The following ANKRD27 variants were observed in gnomAD, a reference collection of about 807,000 sequenced individuals.
ANKRD27 encodes ankyrin repeat domain 27.
ANKRD27 carries 112 observed loss-of-function variants against 129.7 expected under a neutral mutation model. The ratio of observed to expected loss-of-function variants is 0.86; its 90% confidence interval spans 0.74 to 1.01. The LOEUF (loss-of-function observed/expected upper bound fraction) is 1.01, where lower values mean the gene tolerates loss of function less well. ANKRD27 is among the 50% of genes least tolerant of loss of function. The pLI is 0.00. For missense variants in ANKRD27, 1,258 were observed against 1,300.5 expected (o/e 0.97, Z 0.50); for synonymous variants, 516 against 511.2 (o/e 1.01, Z -0.13).
intron 22 of ANKRD27, among the ~76,000 whole-genome samples, chr19:32,609,614 G>T (rs8100356): frequency 0.054 from 7,893 of 146,086 alleles, 711 homozygotes; most frequent in African/African-American, 0.19. Context: ...AATCCATGAT[G>T]ATGAAAAGCA....
At chr19:32,619,428 G>C in intron 19 of ANKRD27, 49 bp from the exon 20 acceptor site, 1 of 1,613,890 alleles carries the variant, frequency 6.2e-7, no homozygotes, top group Non-Finnish European at 8.5e-7. Context: ...ACAAGGACAC[G>C]TGAGGACCAG....
At chr19:32,654,180 G>A (rs1268509990) in intron 2 of ANKRD27, among the ~76,000 whole-genome samples, 1 of 152,064 alleles carries the variant, frequency 6.6e-6, no homozygotes, top group African/African-American at 2.4e-5. Context: ...GATTACAGGC[G>A]TGAGCCACCA....
rs1312404686 is a variant in ANKRD27 at position 32,644,388 on chromosome 19, C to A, written c.462G>T (p.Arg154Ser). The A allele has an allele frequency of 3.1e-6, 5 of 1,614,084 alleles. No homozygotes were observed. The South Asian group carries it at 5.5e-5, about 18-fold the overall frequency. ...FLGRHSERFD[R>S]NIASFHRTFR... Reference sequence around the variant, plus strand: ...ATGTTCGATGGAAAGAGGCGATGTTCCTGTCAAATCGCTCGGAGTGTCTTC... The same window carrying A: ...ATGTTCGATGGAAAGAGGCGATGTTACTGTCAAATCGCTCGGAGTGTCTTC... Residue 154 changes from arginine to serine, a missense_variant, in exon 5 of 29, where the codon AGG (arginine) becomes AGT (serine). Arg to Ser is a moderately radical substitution (Grantham distance 110). Coordinates refer to ENST00000306065, the MANE Select transcript of ANKRD27 (RefSeq NM_032139.3).
chr19:32,651,867 G>A (rs978768819), intron 2 of ANKRD27, among the ~76,000 whole-genome samples: 1 of 152,170 alleles, frequency 6.6e-6, no homozygotes, highest in African/African-American at 2.4e-5. Flanking sequence ...TAAATCGGGG[G>A]CCCTCAGGAC....
At chr19:32,610,124 A>G (rs1243487509) in intron 22 of ANKRD27, among the ~76,000 whole-genome samples, 3 of 152,170 alleles carry the variant, frequency 2.0e-5, no homozygotes, top group African/African-American at 7.2e-5. Context: ...ATCCTGGCCA[A>G]CATGGTGAAA....
intron 3 of ANKRD27, among the ~76,000 whole-genome samples, chr19:32,648,099 C>T (rs1036803165): frequency 1.3e-5 from 2 of 152,096 alleles, no homozygotes; most frequent in African/African-American, 2.4e-5. Context: ...AACCCCGTCT[C>T]TATTAAAAAT....
rs1599742027 is a variant in ANKRD27 at position 32,617,632 on chromosome 19, A to G, written c.2009T>C (p.Val670Ala). ...AGCAACTGCTCTCAAAAGTTTTTCT[A>G]CCTTAATAAAAGGAACAAGAATGTT... ...QEETKKDYRE[V>A]EKLLRAVADG... The change falls in exon 21 of 29, where the codon GTA becomes GCA. Residue 670 changes from valine to alanine, a missense_variant and splice_region_variant. Coordinates refer to ENST00000306065, the MANE Select transcript of ANKRD27 (RefSeq NM_032139.3). 2 of 753,658 alleles carry G rather than the reference A, an allele frequency of 2.7e-6. No individual in the cohort carries two copies. The highest frequency in any genetic ancestry group is 2.5e-6 in the Non-Finnish European group (1 of 407,614). The allele number at this position is 753,658 out of a possible 1,614,324, so 46.7% of individuals were successfully genotyped here.
At chr19:32,634,988 T>C (rs934687644) in intron 12 of ANKRD27, among the ~76,000 whole-genome samples, 18 of 152,156 alleles carry the variant, frequency 1.2e-4, no homozygotes, top group Admixed American at 1.3e-4. Context: ...CAAATATTAC[T>C]GCCAATGTGC....
chr19:32,657,771 C>T (rs1967570095), intron 2 of ANKRD27, among the ~76,000 whole-genome samples: 1 of 151,922 alleles, frequency 6.6e-6, no homozygotes, highest in Admixed American at 6.6e-5. Flanking sequence ...GCCGGGAGTT[C>T]GGGACCAGCC....
rs147989861 is a variant in ANKRD27 at position 32,625,937 on chromosome 19, C to T, written c.1566G>A (p.Ala522=). ...TATTCCCATTGTTGTCCTGCACTTC[C>T]GCGCTGGCCTTGTAGTGCAGCAGCA... ...TLLLLHYKAS[A]EVQDNNGNTP... Residue 522 remains alanine (A), a synonymous_variant, in exon 17 of 29, where the codon GCG becomes GCA. Coordinates refer to ENST00000306065, the MANE Select transcript of ANKRD27 (RefSeq NM_032139.3). The T allele has an allele frequency of 6.3e-5, 102 of 1,610,732 alleles. No homozygotes were observed. The highest frequency in any genetic ancestry group is 3.4e-4 in the Admixed American group (20 of 59,468).
At chr19:32,663,445 T>C (rs1967684671) in intron 1 of ANKRD27, among the ~76,000 whole-genome samples, 2 of 152,230 alleles carry the variant, frequency 1.3e-5, no homozygotes, top group Admixed American at 6.5e-5. Context: ...GTCCTTATGA[T>C]TTCTAAAAAG....
At chr19:32,651,715 G>A (rs900576428) in intron 2 of ANKRD27, among the ~76,000 whole-genome samples, 2 of 152,098 alleles carry the variant, frequency 1.3e-5, no homozygotes, top group Non-Finnish European at 2.9e-5. Context: ...CTGCCCCACT[G>A]TGCCCACATG....
At chr19:32,649,877 C>T in intron 2 of ANKRD27, 85 bp from the exon 3 acceptor site, 1 of 885,948 alleles carries the variant, frequency 1.1e-6, no homozygotes, top group Non-Finnish European at 1.9e-6. Context: ...GGCGCTCCAG[C>T]TGGACACACA....
At chr19:32,617,354 G>A (rs1469223659) in intron 21 of ANKRD27, among the ~76,000 whole-genome samples, 2 of 152,048 alleles carry the variant, frequency 1.3e-5, no homozygotes, top group African/African-American at 4.8e-5. Flanking sequence ...GATCAGACTG[G>A]GCAATATAGC....
At chr19:32,620,579 A>AAC (rs397959760) in intron 18 of ANKRD27, among the ~76,000 whole-genome samples, 10 of 149,700 alleles carry the variant, frequency 6.7e-5, no homozygotes, top group Non-Finnish European at 1.3e-4. Context: ...AAAAAAAAAA[A>AAC]CCAAAACAAT....
intron 2 of ANKRD27, among the ~76,000 whole-genome samples, chr19:32,654,669 T>G (rs1283924647): frequency 6.6e-6 from 1 of 152,112 alleles, no homozygotes; most frequent in South Asian, 2.1e-4. Context: ...CTTTTTTTCT[T>G]TTTTTTTAGA....
chr19:32,623,478 C>G (rs1217918968), intron 17 of ANKRD27, among the ~76,000 whole-genome samples: 1 of 152,042 alleles, frequency 6.6e-6, no homozygotes, highest in Admixed American at 6.6e-5. Context: ...GACCACACTT[C>G]CTGTGTGTTG....
chr19:32,667,820 G>A (rs1167776830), intron 1 of ANKRD27, among the ~76,000 whole-genome samples: 2 of 101,522 alleles, frequency 2.0e-5, no homozygotes, highest in South Asian at 3.4e-4. Context: ...CGACAAGAGT[G>A]AAACTCCGTC....
At chr19:32,656,915 T>C (rs1045048347) in intron 2 of ANKRD27, among the ~76,000 whole-genome samples, 3 of 152,214 alleles carry the variant, frequency 2.0e-5, no homozygotes, top group Non-Finnish European at 2.9e-5. Context: ...GTGAATGTCT[T>C]TGGTGAATTT....
Sources: gnomAD v4.1 joint callset for allele counts (sites outside exome capture counted in the v4.1 genomes callset) on GRCh38, gnomAD v4.1.1 for gene constraint, MANE v1.5 for transcripts, NCBI Gene and HGNC (gene_info 2026-07-23, HGNC 2026-07-21) for gene names.